Variants in PTPRD observed in about 807,000 individuals in gnomAD.
The protein encoded by PTPRD is receptor-type tyrosine-protein phosphatase delta.
Under a neutral mutation model 214.5 loss-of-function variants are expected in PTPRD, and 34 were observed. The observed-to-expected ratio is 0.16, with a 90% CI of 0.12 to 0.21. PTPRD has a LOEUF of 0.21. Ranked by LOEUF, PTPRD falls within the 10% of genes least tolerant of loss-of-function variation. The pLI is 1.00. For synonymous variants in PTPRD, 1,128 were observed against 845.7 expected (o/e 1.33, Z -5.79); for missense variants, 2,545 against 2,398.7 (o/e 1.06, Z -1.27).
intron 33 of PTPRD, among the ~76,000 whole-genome samples, chr9:8,450,792 T>C (rs916009678): frequency 6.6e-6 from 1 of 152,204 alleles, no homozygotes; most frequent in Admixed American, 6.5e-5. Flanking sequence ...TTCTTCCAGT[T>C]TGAATTAGAT....
intron 3 of PTPRD, among the ~76,000 whole-genome samples, chr9:10,132,683 A>G (rs891939408): frequency 3.9e-5 from 6 of 152,210 alleles, no homozygotes; most frequent in African/African-American, 1.4e-4. Flanking sequence ...CAGAAGATAA[A>G]TGAGTAAGAG....
chr9:8,754,710 A>G (rs1317120571), intron 11 of PTPRD, among the ~76,000 whole-genome samples: 1 of 131,674 alleles, frequency 7.6e-6, no homozygotes, highest in Non-Finnish European at 1.7e-5. Context: ...AGGTAATGAC[A>G]ATAAAGATTG....
At chr9:8,800,409 G>A (rs543708312) in intron 11 of PTPRD, among the ~76,000 whole-genome samples, 1 of 152,228 alleles carries the variant, frequency 6.6e-6, no homozygotes, top group East Asian at 1.9e-4. Context: ...GATGAGATAG[G>A]AGGTCAGCAC....
intron 2 of PTPRD, among the ~76,000 whole-genome samples, chr9:10,412,280 G>A (rs925376408): frequency 8.6e-5 from 13 of 151,686 alleles, no homozygotes; most frequent in African/African-American, 2.7e-4. Context: ...AAACTACTAC[G>A]AACATCTCTA....
chr9:9,781,968 A>G lies in PTPRD; in HGVS notation c.-367-15117T>C, dbSNP rs142405626. On this transcript the variant is annotated intron_variant, in intron 5 of 45. Transcript: ENST00000381196. ...CTACCACGCCCGGCTAATTTTATGT[A>G]TTTTTAGTAGAGGTGGGGTTTCACC... 1.5e-3 allele frequency among the ~76,000 whole-genome samples: 230 copies of G among 151,966 alleles called. 2 individuals carry two copies. The highest frequency in any genetic ancestry group is 5.3e-3 in the African/African-American group (218 of 41,432).
intron 2 of PTPRD, among the ~76,000 whole-genome samples, chr9:10,450,344 T>C (rs1566120113): frequency 6.6e-6 from 1 of 152,058 alleles, no homozygotes; most frequent in Non-Finnish European, 1.5e-5. Context: ...GTATATGCCA[T>C]ATAATAAAAT....
intron 9 of PTPRD, among the ~76,000 whole-genome samples, chr9:9,374,871 T>C (rs1333580385): frequency 6.6e-6 from 1 of 152,188 alleles, no homozygotes; most frequent in African/African-American, 2.4e-5. Flanking sequence ...TGAAAGAAAT[T>C]ATTGTTATTA....
chr9:9,788,053 G>C (rs1320433834), intron 5 of PTPRD, among the ~76,000 whole-genome samples: 1 of 151,320 alleles, frequency 6.6e-6, no homozygotes, highest in Admixed American at 6.6e-5. Flanking sequence ...CAAAGTGCTG[G>C]GATTACAGGC....
chr9:9,558,278 T>C (rs2082025671), intron 8 of PTPRD, among the ~76,000 whole-genome samples: 1 of 152,216 alleles, frequency 6.6e-6, no homozygotes, highest in Non-Finnish European at 1.5e-5. Context: ...GGCCTTTCCA[T>C]GTTATGGCTA....
At chr9:9,211,515 G>GCGCA (rs990404545) in intron 9 of PTPRD, among the ~76,000 whole-genome samples, 10,519 of 143,300 alleles carry the variant, frequency 0.073, 440 homozygotes, top group Middle Eastern at 0.11. Flanking sequence ...GTGTGCGCAC[G>GCGCA]CACACACACA....
chr9:9,574,240 T>C (rs935980412), intron 8 of PTPRD, among the ~76,000 whole-genome samples: 1 of 151,890 alleles, frequency 6.6e-6, no homozygotes, highest in Non-Finnish European at 1.5e-5. Context: ...GCCTTAAAAA[T>C]TGCCTTAGAA....
At chr9:10,008,197 G>A (rs2096528507) in intron 4 of PTPRD, among the ~76,000 whole-genome samples, 1 of 151,908 alleles carries the variant, frequency 6.6e-6, no homozygotes, top group Non-Finnish European at 1.5e-5. Context: ...TCTCACCTGT[G>A]ATGGGATGGG....
intron 8 of PTPRD, among the ~76,000 whole-genome samples, chr9:9,440,194 C>T (rs2086987372): frequency 6.6e-6 from 1 of 152,118 alleles, no homozygotes; most frequent in Non-Finnish European, 1.5e-5. Flanking sequence ...TGCATAAATT[C>T]CTAAAATTAT....
chr9:9,203,682 A>C (rs919370988), intron 9 of PTPRD, among the ~76,000 whole-genome samples: 2 of 152,282 alleles, frequency 1.3e-5, no homozygotes, highest in African/African-American at 2.4e-5. Context: ...TTTCCCAAAA[A>C]GTTCAAATTG....
chr9:8,444,557 G>A (rs533884303), intron 34 of PTPRD, among the ~76,000 whole-genome samples: 3 of 152,078 alleles, frequency 2.0e-5, no homozygotes, highest in African/African-American at 7.2e-5. Flanking sequence ...AAAAAAAGTG[G>A]TGGAATGAAG....
chr9:10,473,180 C>T lies in PTPRD; in HGVS notation c.-599-132163G>A, dbSNP rs1007240098. ...ATGTGGCCACATTAAATTCAAACAG[C>T]TGTAATTTTGTCTTTTAAAGAAATA... is the stretch of plus-strand genomic sequence containing the variant. On this transcript the variant is annotated intron_variant, in intron 2 of 45. Transcript: ENST00000381196. Among the ~76,000 whole-genome samples, 13 of 31,630 alleles carry T rather than the reference C, an allele frequency of 4.1e-4. No individual in the cohort carries two copies. In the East Asian group the frequency reaches 0.19, roughly 461 times the overall value. 20.8% of individuals were successfully genotyped at this position (31,630 alleles called of 152,430 possible).
chr9:9,819,769 C>T (rs2761756), intron 5 of PTPRD, among the ~76,000 whole-genome samples: 45,476 of 151,964 alleles, frequency 0.3, 10,331 homozygotes, highest in African/African-American at 0.64. Flanking sequence ...GTTCCTGCAC[C>T]AATTTGCTTA....
At chr9:9,031,746 C>T (rs1484895990) in intron 10 of PTPRD, among the ~76,000 whole-genome samples, 1 of 151,930 alleles carries the variant, frequency 6.6e-6, no homozygotes, top group African/African-American at 2.4e-5. Flanking sequence ...AGGAAAGAGA[C>T]ACCTGACAAA....
intron 14 of PTPRD, among the ~76,000 whole-genome samples, chr9:8,568,400 T>C (rs190112259): frequency 1.3e-5 from 2 of 152,112 alleles, no homozygotes; most frequent in Non-Finnish European, 2.9e-5. Flanking sequence ...AGCAATGACT[T>C]AGCCATCATC....
Sources: gnomAD v4.1 joint callset for allele counts (sites outside exome capture counted in the v4.1 genomes callset) on GRCh38, gnomAD v4.1.1 for gene constraint, MANE v1.5 for transcripts, NCBI Gene and HGNC (gene_info 2026-07-23, HGNC 2026-07-21) for gene names.